The following SPAG16 variants were observed in gnomAD, a reference collection of about 807,000 sequenced individuals.
SPAG16 encodes the protein sperm associated antigen 16, also known as sperm-associated antigen 16 protein.
In SPAG16, 86 loss-of-function variants were observed where a neutral mutation model predicts 80.4. That is an observed-to-expected ratio of 1.07 (90% CI 0.90 to 1.28). The LOEUF (loss-of-function observed/expected upper bound fraction) is 1.28, where lower values mean the gene tolerates loss of function less well. Among genes scored for constraint, SPAG16 ranks in the 50% most tolerant of loss-of-function variants. The pLI is 0.00. For missense variants in SPAG16, 870 were observed against 765.3 expected (o/e 1.14, Z -1.61); for synonymous variants, 294 against 265.9 (o/e 1.11, Z -1.03).
intron 9 of SPAG16, among the ~76,000 whole-genome samples, chr2:213,383,370 C>T (rs753937977): frequency 1.3e-5 from 2 of 152,104 alleles, no homozygotes; most frequent in Non-Finnish European, 2.9e-5. Flanking sequence ...TCTAGCTCTA[C>T]TTGTTCCTGT....
At position 213,623,131 on chromosome 2, in the gene SPAG16, A is replaced by C. The variant is rs181997645; in HGVS notation, c.1070+133041A>C. On this transcript the variant is annotated intron_variant, in intron 10 of 15. Coordinates refer to ENST00000331683, the MANE Select transcript of SPAG16 (RefSeq NM_024532.5). ...TCTGATTGATGGGTATAAGTCTGTC[A>C]TGGAGGTTGCCATGTAAAGCTAAAT... is the stretch of plus-strand genomic sequence containing the variant. 7.1e-4 allele frequency among the ~76,000 whole-genome samples: 108 copies of C among 152,174 alleles called. 3 individuals are homozygous for C. The highest frequency in any genetic ancestry group is 2.9e-5 in the Non-Finnish European group (2 of 68,022).
chr2:213,482,253 T>C (rs1271643315), intron 9 of SPAG16, among the ~76,000 whole-genome samples: 5 of 152,270 alleles, frequency 3.3e-5, no homozygotes, highest in African/African-American at 9.6e-5. Context: ...GCCAAACACA[T>C]GCTGGCACTT....
At chr2:213,300,101 C>G (rs1308314526) in intron 3 of SPAG16, among the ~76,000 whole-genome samples, 2 of 152,060 alleles carry the variant, frequency 1.3e-5, no homozygotes, top group Non-Finnish European at 2.9e-5. Flanking sequence ...TCTCAGAGGT[C>G]TTTTATACTG....
intron 15 of SPAG16, among the ~76,000 whole-genome samples, chr2:214,261,107 CAAAAAAAAAAAAAAAAAAAAAAAAAAAA>C (rs558534808): frequency 5.5e-5 from 3 of 54,470 alleles, no homozygotes; most frequent in South Asian, 8.8e-4. Context: ...GACTCAGTCT[CAAAAAAAAAAAAAAAAAAAAAAAAAAAA>C]AAAAAAAAAA....
At chr2:213,761,458 A>T (rs1033291214) in intron 10 of SPAG16, among the ~76,000 whole-genome samples, 2 of 152,230 alleles carry the variant, frequency 1.3e-5, no homozygotes, top group African/African-American at 2.4e-5. Context: ...TAAACCAATG[A>T]ACCCAAGACT....
intron 15 of SPAG16, among the ~76,000 whole-genome samples, chr2:214,361,159 C>T (rs1000962307): frequency 1.3e-5 from 2 of 151,748 alleles, no homozygotes; most frequent in African/African-American, 2.4e-5. Context: ...TTGCTATTCA[C>T]GATGTTCTCT....
Position 213,672,410 on chromosome 2 carries a change from T to G in SPAG16, c.1070+182320T>G, listed in dbSNP as rs114271475. Among the ~76,000 whole-genome samples, 750 of 152,194 alleles carry G rather than the reference T, an allele frequency of 4.9e-3. 2 individuals carry two copies. The highest frequency in any genetic ancestry group is 8.6e-3 in the Non-Finnish European group (582 of 67,990). On this transcript the variant is annotated intron_variant, in intron 10 of 15. Coordinates refer to ENST00000331683, the MANE Select transcript of SPAG16 (RefSeq NM_024532.5). Reference sequence around the variant, plus strand: ...ATTTCTATCCTTCCTTTCTCTTTCTTTCCAACATTGCCAACTGACAAACAA... The same window carrying G: ...ATTTCTATCCTTCCTTTCTCTTTCTGTCCAACATTGCCAACTGACAAACAA...
chr2:213,445,666 C>CA (rs376431167), intron 9 of SPAG16, among the ~76,000 whole-genome samples: 5 of 151,558 alleles, frequency 3.3e-5, no homozygotes, highest in African/African-American at 4.8e-5. Context: ...AACTCCGTCT[C>CA]AAAAAAAATG....
chr2:214,372,582 G>T (rs1171185441), intron 15 of SPAG16, among the ~76,000 whole-genome samples: 2 of 152,172 alleles, frequency 1.3e-5, no homozygotes, highest in Non-Finnish European at 2.9e-5. Flanking sequence ...AGGTGTCAAG[G>T]TCAGCACATA....
chr2:214,369,696 G>T (rs1699694308), intron 15 of SPAG16, among the ~76,000 whole-genome samples: 1 of 151,878 alleles, frequency 6.6e-6, no homozygotes, highest in Non-Finnish European at 1.5e-5. Flanking sequence ...AAATCATGAG[G>T]TTATGAACTC....
intron 5 of SPAG16, among the ~76,000 whole-genome samples, chr2:213,335,894 G>T (rs1476389637): frequency 1.3e-5 from 2 of 152,002 alleles, no homozygotes; most frequent in Admixed American, 6.6e-5. Flanking sequence ...AGAAACTTAG[G>T]GGGTGAGAGT....
chr2:214,337,909 AT>A (rs557190223), intron 15 of SPAG16, among the ~76,000 whole-genome samples: 25 of 150,758 alleles, frequency 1.7e-4, no homozygotes, highest in Middle Eastern at 3.4e-3. Context: ...TAAGACCTTA[AT>A]TTTTTTTTTC....
intron 9 of SPAG16, among the ~76,000 whole-genome samples, chr2:213,408,455 C>CA (rs2068786608): frequency 6.6e-6 from 1 of 151,880 alleles, no homozygotes; most frequent in Non-Finnish European, 1.5e-5. Context: ...TATCCTAAGT[C>CA]AAAAAAAGCA....
rs528442165 is a variant in SPAG16, at chr2:213,741,500, G to C, written c.1071-120985G>C. On this transcript the variant is annotated intron_variant, in intron 10 of 15. Coordinates refer to ENST00000331683, the MANE Select transcript of SPAG16 (RefSeq NM_024532.5). Reference sequence around the variant, plus strand: ...AAGACTAAGGAAAAAAAAGTAAACCGCTGAGTAAAATAAAATGATACACAG... The same window carrying C: ...AAGACTAAGGAAAAAAAAGTAAACCCCTGAGTAAAATAAAATGATACACAG... Among the ~76,000 whole-genome samples the C allele has an allele frequency of 9.2e-5, 14 of 152,074 alleles. No homozygotes were observed. In the East Asian group the frequency reaches 2.5e-3, roughly 27 times the overall value.
intron 15 of SPAG16, among the ~76,000 whole-genome samples, chr2:214,200,438 A>C: frequency 6.6e-6 from 1 of 152,072 alleles, no homozygotes; most frequent in Non-Finnish European, 1.5e-5. Flanking sequence ...TATGAGACCC[A>C]CTTGATCATA....
At chr2:213,856,340 A>G (rs559017082) in intron 10 of SPAG16, among the ~76,000 whole-genome samples, 3 of 152,236 alleles carry the variant, frequency 2.0e-5, no homozygotes, top group Admixed American at 1.3e-4. Context: ...AGCTGCTTTC[A>G]TGGGTATTGA....
At chr2:213,877,440 G>A (rs1169122162) in intron 11 of SPAG16, among the ~76,000 whole-genome samples, 1 of 152,174 alleles carries the variant, frequency 6.6e-6, no homozygotes, top group East Asian at 1.9e-4. Flanking sequence ...TCCCCAAAAA[G>A]CTGGGACCAC....
intron 13 of SPAG16, among the ~76,000 whole-genome samples, chr2:214,078,371 A>G (rs2051189942): frequency 6.6e-6 from 1 of 151,926 alleles, no homozygotes; most frequent in Non-Finnish European, 1.5e-5. Context: ...TGGACAACAT[A>G]GTGAAACCCC....
At chr2:214,071,859 A>G (rs766897674) in intron 13 of SPAG16, among the ~76,000 whole-genome samples, 2 of 152,174 alleles carry the variant, frequency 1.3e-5, no homozygotes, top group Non-Finnish European at 2.9e-5. Context: ...TTAAGGCAAT[A>G]ACACTGTAAT....
Sources: allele counts gnomAD v4.1 joint callset (sites outside exome capture counted in the v4.1 genomes callset), GRCh38; gene constraint gnomAD v4.1.1; transcripts MANE v1.5; gene names NCBI Gene and HGNC (gene_info 2026-07-23, HGNC 2026-07-21).